GPATCH2: variants seen among roughly 807,000 people sequenced by gnomAD.
GPATCH2 encodes G-patch domain containing 2.
GPATCH2 carries 51 observed loss-of-function variants against 58.0 expected under a neutral mutation model. The observed-to-expected ratio is 0.88, with a 90% CI of 0.70 to 1.11. The LOEUF (loss-of-function observed/expected upper bound fraction) is 1.11, where lower values mean the gene tolerates loss of function less well. Ranked by LOEUF, GPATCH2 falls within the 50% of genes most tolerant of loss-of-function variation. The probability of loss-of-function intolerance (pLI) is 0.00; values close to 1 mark genes in which losing one functional copy is unlikely to be tolerated. For synonymous variants in GPATCH2, 222 were observed against 218.5 expected (o/e 1.02, Z -0.14); for missense variants, 625 against 652.2 (o/e 0.96, Z 0.45).
intron 6 of GPATCH2, among the ~76,000 whole-genome samples, chr1:217,510,133 A>G (rs923993568): frequency 5.9e-5 from 9 of 152,172 alleles, no homozygotes; most frequent in Admixed American, 6.5e-5. Flanking sequence ...GGTCTTTACC[A>G]TTTTTGAATA....
At chr1:217,448,669 C>G (rs115756507) in intron 9 of GPATCH2, among the ~76,000 whole-genome samples, 1 of 152,180 alleles carries the variant, frequency 6.6e-6, no homozygotes, top group African/African-American at 2.4e-5. Flanking sequence ...CTCAATACCA[C>G]GCTCATTATT....
At chr1:217,562,203 T>TAGTA (rs1665962500) in intron 5 of GPATCH2, among the ~76,000 whole-genome samples, 1 of 152,194 alleles carries the variant, frequency 6.6e-6, no homozygotes, top group East Asian at 1.9e-4. Context: ...CCCCTCCCTT[T>TAGTA]TTTAAAACAC....
chr1:217,614,341 T>A (rs972950502), intron 2 of GPATCH2, 139 bp from the exon 3 acceptor site: 17 of 591,322 alleles, frequency 2.9e-5, no homozygotes, highest in East Asian at 2.8e-4. Flanking sequence ...ATTTTTTTTT[T>A]AATCAAACTG....
At chr1:217,493,370 T>C (rs754429834) in intron 7 of GPATCH2, among the ~76,000 whole-genome samples, 8 of 152,180 alleles carry the variant, frequency 5.3e-5, no homozygotes, top group Admixed American at 2.0e-4. Context: ...TTCTAAATTA[T>C]ATATCCTAGC....
intron 9 of GPATCH2, among the ~76,000 whole-genome samples, chr1:217,438,980 A>C (rs1275208313): frequency 3.3e-5 from 5 of 152,190 alleles, no homozygotes; most frequent in African/African-American, 1.2e-4. Context: ...AAAATTAACA[A>C]GGATATTCAG....
chr1:217,611,138 C>T, intron 3 of GPATCH2, 67 bp from the exon 4 acceptor site: 1 of 1,377,548 alleles, frequency 7.3e-7, no homozygotes, highest in South Asian at 1.3e-5. Context: ...CACAATTAGT[C>T]TTGTCAGGTA....
intron 5 of GPATCH2, chr1:217,610,042 A>G (rs1331943703): frequency 3.5e-6 from 5 of 1,448,534 alleles, no homozygotes; most frequent in South Asian, 1.5e-5. Context: ...CTTTTCATCA[A>G]AGAGGCTCTC....
At chr1:217,472,778 A>C (rs988543424) in intron 8 of GPATCH2, among the ~76,000 whole-genome samples, 1 of 152,204 alleles carries the variant, frequency 6.6e-6, no homozygotes, top group Admixed American at 6.5e-5. Flanking sequence ...AGAAATACCA[A>C]GAAAAAAAGA....
intron 5 of GPATCH2, among the ~76,000 whole-genome samples, chr1:217,529,318 T>C (rs1481522427): frequency 1.3e-5 from 2 of 152,148 alleles, no homozygotes; most frequent in East Asian, 1.9e-4. Flanking sequence ...ATAATGGTAT[T>C]GGGAGGTGGG....
chr1:217,485,021 G>A (rs1266656671), intron 8 of GPATCH2, among the ~76,000 whole-genome samples: 1 of 152,124 alleles, frequency 6.6e-6, no homozygotes, highest in African/African-American at 2.4e-5. Context: ...ATTGGCTCAT[G>A]TGATTATGGA....
intron 1 of GPATCH2, among the ~76,000 whole-genome samples, chr1:217,622,785 T>C (rs981592451): frequency 6.6e-6 from 1 of 152,212 alleles, no homozygotes; most frequent in Non-Finnish European, 1.5e-5. Context: ...CTTCAAGTGA[T>C]CCACCCGCCA....
At chr1:217,473,418 TA>T (rs1050867903) in intron 8 of GPATCH2, among the ~76,000 whole-genome samples, 2 of 151,956 alleles carry the variant, frequency 1.3e-5, no homozygotes, top group African/African-American at 4.8e-5. Context: ...GTAGTTTTTT[TA>T]AAAAAATAAC....
chr1:217,463,814 A>G lies in GPATCH2; in HGVS notation c.1278-14477T>C, dbSNP rs866479940. 5.3e-5 allele frequency among the ~76,000 whole-genome samples: 8 copies of G among 152,118 alleles called. No individual in the cohort carries two copies. In the South Asian group the frequency reaches 1.0e-3, roughly 20 times the overall value. Reference sequence around the variant, plus strand: ...AAAAGTCATTCTGGTTATGATGTGGAGAATGGATAAAGAGAACAAGGGTGA... The same window carrying G: ...AAAAGTCATTCTGGTTATGATGTGGGGAATGGATAAAGAGAACAAGGGTGA... On this transcript the variant is annotated intron_variant, in intron 8 of 9. Transcript: ENST00000366935.
chr1:217,630,505 C>T (rs1301450342), intron 1 of GPATCH2, among the ~76,000 whole-genome samples: 3 of 151,988 alleles, frequency 2.0e-5, no homozygotes, highest in Admixed American at 6.6e-5. Flanking sequence ...GATTGAACTT[C>T]CAGAACTCTA....
chr1:217,630,282 G>T (rs1374088807), intron 1 of GPATCH2, among the ~76,000 whole-genome samples: 1 of 152,076 alleles, frequency 6.6e-6, no homozygotes, highest in South Asian at 2.1e-4. Flanking sequence ...GTATTAATTT[G>T]TGGAAATACT....
At chr1:217,442,884 T>C (rs1381653618) in intron 9 of GPATCH2, among the ~76,000 whole-genome samples, 1 of 152,204 alleles carries the variant, frequency 6.6e-6, no homozygotes, top group Non-Finnish European at 1.5e-5. Context: ...TATATAATGC[T>C]ACTAGCTTTG....
intron 8 of GPATCH2, among the ~76,000 whole-genome samples, chr1:217,452,658 T>A (rs992096750): frequency 6.6e-6 from 1 of 152,166 alleles, no homozygotes; most frequent in South Asian, 2.1e-4. Flanking sequence ...AACAACCAAC[T>A]CCCTCTTCTA....
intron 6 of GPATCH2, among the ~76,000 whole-genome samples, chr1:217,502,897 C>G (rs1662374020): frequency 6.6e-6 from 1 of 152,006 alleles, no homozygotes; most frequent in South Asian, 2.1e-4. Flanking sequence ...TTCAGATTTT[C>G]TAGGGCCTGT....
chr1:217,448,394 C>G (rs1357743609), intron 9 of GPATCH2, among the ~76,000 whole-genome samples: 1 of 152,162 alleles, frequency 6.6e-6, no homozygotes, highest in East Asian at 1.9e-4. Context: ...AACATTTTCT[C>G]ATACAGCTTG....
Sources: gnomAD v4.1 joint callset for allele counts (sites outside exome capture counted in the v4.1 genomes callset) on GRCh38, gnomAD v4.1.1 for gene constraint, MANE v1.5 for transcripts, NCBI Gene and HGNC (gene_info 2026-07-23, HGNC 2026-07-21) for gene names.